ATRIP: variants seen among roughly 807,000 people sequenced by gnomAD.
ATRIP encodes the protein ATR-interacting protein.
In ATRIP, 44 loss-of-function variants were observed where a neutral mutation model predicts 78.1. The observed-to-expected ratio is 0.56, with a 90% confidence interval of 0.44 to 0.72. The LOEUF (loss-of-function observed/expected upper bound fraction) is 0.72. Among genes scored for constraint, ATRIP ranks in the 30% least tolerant of loss-of-function variants. ATRIP has a pLI of 0.00. For synonymous variants in ATRIP, 388 were observed against 408.9 expected, an observed-to-expected ratio of 0.95 and a Z score of 0.62; for missense variants, 927 against 980.2, an observed-to-expected ratio of 0.95 and a Z score of 0.72.
In ATRIP at chr3:48,466,738, A is replaced by G. The variant is rs1369567808; in HGVS notation, c.*1184A>G. On this transcript the variant is annotated 3_prime_UTR_variant, in exon 13 of 13. Coordinates refer to ENST00000320211, the MANE Select transcript of ATRIP (RefSeq NM_130384.3). ...GAGGCCACTGGCTTGCCCTTCTCCC[A>G]GCCCAAGGTCACGGAGCTGTGCCTG... 1.2e-6 allele frequency: 2 copies of G among 1,613,852 alleles called. No homozygotes were observed. Among genetic ancestry groups the G allele is most frequent in the East Asian group, 4.5e-5 (2 of 44,848 alleles).
chr3:48,466,174 AC>A lies in ATRIP; in HGVS notation c.*621del. On this transcript the variant is annotated 3_prime_UTR_variant, in exon 13 of 13. Transcript: ENST00000320211. ...TGAGAGGGACAGACCAGGCAGGCTG[AC>A]GAGCAGGGCGGGCCTGGCTCACGTG... The A allele has an allele frequency of 2.0e-6, 1 of 504,618 alleles. No individual in the cohort carries two copies. The highest frequency in any genetic ancestry group is 2.0e-5 in the South Asian group (1 of 49,238). The allele number at this position is 504,618 out of a possible 1,614,324, so 31.3% of individuals were successfully genotyped here. A position where few individuals can be genotyped will look rare whatever the true frequency, so the allele number is the denominator to read the frequency against.
At position 48,448,104 on chromosome 3, in the gene ATRIP, A is replaced by G. The variant is rs139843653; in HGVS notation, c.247+1012A>G. Among the ~76,000 whole-genome samples the G allele has an allele frequency of 5.8e-3, 873 of 150,352 alleles. 11 individuals carry two copies. Among genetic ancestry groups the G allele is most frequent in the African/African-American group, 0.02 (827 of 40,970 alleles). Reference sequence around the variant, plus strand: ...AAGTGAGGCTTCACATCACATTCTGAGTGATCTTTTCAAAACTCAAATCTG... The same window carrying G: ...AAGTGAGGCTTCACATCACATTCTGGGTGATCTTTTCAAAACTCAAATCTG... On this transcript the variant is annotated intron_variant, in intron 1 of 12. Coordinates refer to ENST00000320211, the MANE Select transcript of ATRIP (RefSeq NM_130384.3).
In ATRIP at chr3:48,459,628, G is replaced by A. The variant is rs1575282499; in HGVS notation, c.926-159G>A. 2.6e-6 allele frequency: 3 copies of A among 1,150,922 alleles called. No individual in the cohort carries two copies. The East Asian group carries it at 7.0e-5, about 27-fold the overall frequency. The allele number at this position is 1,150,922 out of a possible 1,614,324, so 71.3% of individuals were successfully genotyped here. A position where few individuals can be genotyped will look rare whatever the true frequency, so the allele number is the denominator to read the frequency against. On this transcript the variant is annotated intron_variant, in intron 6 of 12. Coordinates refer to ENST00000320211, the MANE Select transcript of ATRIP (RefSeq NM_130384.3). ...ATAAAGTGGAAAGGGCCAAGGGCAGGTATGTCCCAGAGCCTTCCGCACCCA... is the reference window on the plus strand; with the variant it reads ...ATAAAGTGGAAAGGGCCAAGGGCAGATATGTCCCAGAGCCTTCCGCACCCA...
chr3:48,459,418 T>G lies in ATRIP; in HGVS notation c.889T>G (p.Phe297Val), dbSNP rs769085285. 23 of 1,613,926 alleles carry G rather than the reference T, an allele frequency of 1.4e-5. No individual in the cohort carries two copies. Among genetic ancestry groups the G allele is most frequent in the Non-Finnish European group, 1.9e-5 (22 of 1,180,016 alleles). ...SIKQEEAQKSFVDSWRQRSNT... is the reference protein window; with the variant it reads ...SIKQEEAQKSVVDSWRQRSNT... ...AAAACAAGAAGAGGCCCAGAAAAGC[T>G]TTGTTGACAGCTGGAGACAGAGATC... Residue 297 changes from phenylalanine (F) to valine (V), a missense_variant, in exon 6 of 13, where the codon TTT becomes GTT. By Grantham distance (50) the Phe-to-Val change is conservative. Transcript: ENST00000320211.
intron 3 of ATRIP, among the ~76,000 whole-genome samples, chr3:48,452,356 C>G (rs960153334): frequency 2.0e-5 from 3 of 152,108 alleles, no homozygotes; most frequent in Non-Finnish European, 4.4e-5. Flanking sequence ...TCTCCAGAAG[C>G]TCCTGGGCTC....
chr3:48,451,785 A>C lies in ATRIP; in HGVS notation c.438A>C (p.Arg146=), dbSNP rs763713809. The C allele has an allele frequency of 6.2e-7, 1 of 1,609,694 alleles. No homozygotes were observed. Among genetic ancestry groups the C allele is most frequent in the Non-Finnish European group, 8.5e-7 (1 of 1,177,590 alleles). Residue 146 remains arginine, a synonymous_variant, in exon 3 of 13, where the codon CGA becomes CGC. Transcript: ENST00000320211. The part of the protein sequence containing the change: ...LIKNGEIKIL[R]DSLHQTESVL... ...AGAATGGAGAAATTAAAATTTTGCGAGACTCACTACATCAGACGGAATCCG... is the reference window on the plus strand; with the variant it reads ...AGAATGGAGAAATTAAAATTTTGCGCGACTCACTACATCAGACGGAATCCG...
At position 48,465,654 on chromosome 3, in the gene ATRIP, G is replaced by T; in HGVS notation, c.*100G>T. On this transcript the variant is annotated 3_prime_UTR_variant, in exon 13 of 13. Transcript: ENST00000320211. ...ACCAGCAGGAACTGCCCAGAGAACT[G>T]GCTGGCCTTGTTTCCTGAGTCTGAT... The T allele has an allele frequency of 7.9e-7, 1 of 1,262,888 alleles. No homozygotes were observed. The highest frequency in any genetic ancestry group is 2.4e-5 in the East Asian group (1 of 41,222). 78.2% of individuals were successfully genotyped at this position (1,262,888 alleles called of 1,614,324 possible).
At chr3:48,452,553 G>A (rs989656738) in intron 3 of ATRIP, among the ~76,000 whole-genome samples, 3 of 151,992 alleles carry the variant, frequency 2.0e-5, no homozygotes, top group African/African-American at 4.8e-5. Context: ...AAATTATCCA[G>A]GCATGGTGGT....
rs2039706381 is a variant in ATRIP at position 48,447,365 on chromosome 3, T to C, written c.247+273T>C. 4 of 1,121,950 alleles carry C rather than the reference T, an allele frequency of 3.6e-6. No homozygotes were observed. In the South Asian group the frequency reaches 1.1e-4, roughly 32 times the overall value. 69.5% of individuals were successfully genotyped at this position (1,121,950 alleles called of 1,614,324 possible). ...AAGTTTAGGCCACTTGGTTCTTGGT[T>C]CTAAGCAGAGATCCTTGGAACACAC... On this transcript the variant is annotated intron_variant, in intron 1 of 12. Transcript: ENST00000320211.
rs867729974 is a variant in ATRIP, at chr3:48,460,192, A to C, written c.1138A>C (p.Asn380His). The C allele has an allele frequency of 6.2e-7, 1 of 1,614,136 alleles. No homozygotes were observed. Among genetic ancestry groups the C allele is most frequent in the Non-Finnish European group, 8.5e-7 (1 of 1,180,028 alleles). Residue 380 changes from asparagine to histidine, a missense_variant, in exon 8 of 13, where the codon AAC becomes CAC. Coordinates refer to ENST00000320211, the MANE Select transcript of ATRIP (RefSeq NM_130384.3). ...FSLSALREAQ[N>H]LAFTGLNLVA... ...CCTCTCAGCCCTGAGAGAAGCACAGAACCTGGCATTCACTGGACTGAATCT... is the reference window on the plus strand; with the variant it reads ...CCTCTCAGCCCTGAGAGAAGCACAGCACCTGGCATTCACTGGACTGAATCT...
In ATRIP at chr3:48,460,194, C is replaced by G. The variant is rs747216085; in HGVS notation, c.1140C>G (p.Asn380Lys). Residue 380 changes from asparagine to lysine, a missense_variant, in exon 8 of 13, where the codon AAC (asparagine) becomes AAG (lysine). Transcript: ENST00000320211. ...FSLSALREAQ[N>K]LAFTGLNLVA... ...TCTCAGCCCTGAGAGAAGCACAGAACCTGGCATTCACTGGACTGAATCTGG... is the reference window on the plus strand; with the variant it reads ...TCTCAGCCCTGAGAGAAGCACAGAAGCTGGCATTCACTGGACTGAATCTGG... The G allele has an allele frequency of 1.2e-6, 2 of 1,614,160 alleles. No homozygotes were observed. The highest frequency in any genetic ancestry group is 2.2e-5 in the South Asian group (2 of 91,086).
At position 48,466,859 on chromosome 3, in the gene ATRIP, C is replaced by A; in HGVS notation, c.*1305C>A. 1 of 1,613,800 alleles carries A rather than the reference C, an allele frequency of 6.2e-7. No homozygotes were observed. Among genetic ancestry groups the A allele is most frequent in the Non-Finnish European group, 8.5e-7 (1 of 1,180,036 alleles). On this transcript the variant is annotated 3_prime_UTR_variant, in exon 13 of 13. Coordinates refer to ENST00000320211, the MANE Select transcript of ATRIP (RefSeq NM_130384.3). ...CACCGCGTGTGGTAGACAAGCTCTC[C>A]CTGTGTGTGGCTCCGGGGAAGGCCT...
rs1317323751 is a variant in ATRIP at position 48,465,088 on chromosome 3, G to A, written c.2308+5G>A. 6.2e-7 allele frequency: 1 copy of A among 1,602,866 alleles called. No individual in the cohort carries two copies. Among genetic ancestry groups the A allele is most frequent in the South Asian group, 1.1e-5 (1 of 90,566 alleles). Reference sequence around the variant, plus strand: ...CTGATGTGACGGACTGTGAAGGTAAGCCTGCCAGAGGCCATCCTGCCCAGC... The same window carrying A: ...CTGATGTGACGGACTGTGAAGGTAAACCTGCCAGAGGCCATCCTGCCCAGC... On this transcript the variant is annotated splice_donor_5th_base_variant and intron_variant, in intron 12 of 12. Transcript: ENST00000320211.
At position 48,467,320 on chromosome 3, in the gene ATRIP, A is replaced by C; in HGVS notation, c.*1766A>C. ...GCCCTGCTGCGGTGGGTGGATGCTC[A>C]CGCCAGGCCTTTCGGCACCATCAGG... is the stretch of plus-strand genomic sequence containing the variant. On this transcript the variant is annotated 3_prime_UTR_variant, in exon 13 of 13. Coordinates refer to ENST00000320211, the MANE Select transcript of ATRIP (RefSeq NM_130384.3). 6.2e-7 allele frequency: 1 copy of C among 1,614,152 alleles called. No homozygotes were observed. The highest frequency in any genetic ancestry group is 8.5e-7 in the Non-Finnish European group (1 of 1,180,042).
At chr3:48,461,328 CTG>C (rs1228155727) in intron 8 of ATRIP, 1 of 152,430 alleles carries the variant, frequency 6.6e-6, no homozygotes, top group Non-Finnish European at 1.5e-5. Flanking sequence ...CGAATGAACA[CTG>C]TGATCATAAA....
In ATRIP at chr3:48,459,234, G is replaced by T. The variant is rs1652970787; in HGVS notation, c.830-125G>T. On this transcript the variant is annotated intron_variant, in intron 5 of 12. Coordinates refer to ENST00000320211, the MANE Select transcript of ATRIP (RefSeq NM_130384.3). The stretch of plus-strand genomic sequence containing the variant: ...GATGCAGGGCTCTTGAGCCGCTTTG[G>T]CTCTTGTTTGTTCCAAGTTCGAAGA... 5 of 728,212 alleles carry T rather than the reference G, an allele frequency of 6.9e-6. 1 individual carries two copies. The Admixed American group carries it at 1.2e-4, about 18-fold the overall frequency. The allele number at this position is 728,212 out of a possible 1,614,324, so 45.1% of individuals were successfully genotyped here. A position where few individuals can be genotyped will look rare whatever the true frequency, so the allele number is the denominator to read the frequency against.
At chr3:48,450,224 A>G (rs2107193202) in intron 2 of ATRIP, 54 bp downstream of exon 2, 1 of 1,569,108 alleles carries the variant, frequency 6.4e-7, no homozygotes, top group Non-Finnish European at 8.7e-7. Context: ...TACGTGTTTA[A>G]AAGCATTGTA....
intron 8 of ATRIP, 107 bp downstream of exon 8, chr3:48,460,906 G>C: frequency 8.8e-7 from 1 of 1,130,948 alleles, no homozygotes; most frequent in South Asian, 1.6e-5. Context: ...ATCTACACTA[G>C]TTAGTTCTAA....
At chr3:48,449,413 C>CAAAAAAAAAAAAAAAAAA (rs1297709851) in intron 1 of ATRIP, among the ~76,000 whole-genome samples, 4 of 60,102 alleles carry the variant, frequency 6.7e-5, no homozygotes, top group Admixed American at 2.5e-4. Flanking sequence ...GACTCTGTCT[C>CAAAAAAAAAAAAAAAAAA]AAAAAAAAAA....
Sources: allele counts gnomAD v4.1 joint callset (sites outside exome capture counted in the v4.1 genomes callset), GRCh38; gene constraint gnomAD v4.1.1; transcripts MANE v1.5; gene names NCBI Gene and HGNC (gene_info 2026-07-23, HGNC 2026-07-21).